The following SKP2 variants were observed in gnomAD, a reference collection of about 807,000 sequenced individuals.
SKP2 encodes the protein S-phase kinase-associated protein 2.
A neutral mutation model predicts 51.8 loss-of-function variants in SKP2; 16 were observed. That is an observed-to-expected ratio of 0.31 (90% CI 0.21 to 0.47). SKP2 has a LOEUF of 0.47. SKP2 is among the 20% of genes least tolerant of loss of function. SKP2 has a pLI of 1.00. For synonymous variants in SKP2, 176 were observed against 198.6 expected, an observed-to-expected ratio of 0.89 and a Z score of 0.96; for missense variants, 377 against 505.3, an observed-to-expected ratio of 0.75 and a Z score of 2.43.
At chr5:36,188,540 G>GA (rs1287221723), downstream of SKP2, among the ~76,000 whole-genome samples, 1 of 152,162 alleles carries the variant, frequency 6.6e-6, no homozygotes, top group Non-Finnish European at 1.5e-5. Context: ...TTTTCTTTAA[G>GA]AATGTTGAAT....
intron 2 of SKP2, among the ~76,000 whole-genome samples, chr5:36,157,077 C>T (rs369602857): frequency 4.1e-4 from 62 of 152,276 alleles, no homozygotes; most frequent in African/African-American, 1.4e-3. Context: ...GCTAGTCAAA[C>T]CCACTAAATT....
chr5:36,161,435 C>T (rs548337772), intron 2 of SKP2, among the ~76,000 whole-genome samples: 1 of 152,174 alleles, frequency 6.6e-6, no homozygotes, highest in East Asian at 1.9e-4. Flanking sequence ...CTGGGGCTTC[C>T]ATTTGATTTT....
intron 3 of SKP2, among the ~76,000 whole-genome samples, chr5:36,164,536 C>T (rs1745225918): frequency 6.6e-6 from 1 of 152,228 alleles, no homozygotes. Context: ...TGTTTAAAGG[C>T]CATCCGTCTG....
downstream of SKP2, among the ~76,000 whole-genome samples, chr5:36,186,858 G>A: frequency 6.6e-6 from 1 of 152,156 alleles, no homozygotes; most frequent in East Asian, 1.9e-4. Flanking sequence ...ATTTGGCTGT[G>A]AATCTATCTG....
At position 36,183,715 on chromosome 5, in the gene SKP2, A is replaced by G. The variant is rs1186308840; in HGVS notation, c.*1684A>G. ...AAATTGTTAATGTTAGAAACATACTATGAAGTGCCTTTATCTGCTTAGACC... is the reference window on the plus strand; with the variant it reads ...AAATTGTTAATGTTAGAAACATACTGTGAAGTGCCTTTATCTGCTTAGACC... On this transcript the variant is annotated 3_prime_UTR_variant, in exon 10 of 10. Coordinates refer to ENST00000274255, the MANE Select transcript of SKP2 (RefSeq NM_005983.4). The G allele has an allele frequency of 7.5e-7, 1 of 1,327,364 alleles. No individual in the cohort carries two copies. Among genetic ancestry groups the G allele is most frequent in the Non-Finnish European group, 9.7e-7 (1 of 1,032,320 alleles). 82.2% of individuals were successfully genotyped at this position (1,327,364 alleles called of 1,614,324 possible).
At chr5:36,191,122 T>C (rs1746014619) in intron 6 of SKP2, among the ~76,000 whole-genome samples, 1 of 152,212 alleles carries the variant, frequency 6.6e-6, no homozygotes, top group East Asian at 1.9e-4. Flanking sequence ...CCTGGAGTAA[T>C]AGGTTAATCT....
intron 2 of SKP2, among the ~76,000 whole-genome samples, chr5:36,156,382 T>C (rs1579548021): frequency 1.3e-5 from 2 of 152,200 alleles, no homozygotes; most frequent in East Asian, 3.9e-4. Context: ...CATAGATATC[T>C]GATGACTGGT....
At chr5:36,156,361 C>T (rs574404323) in intron 2 of SKP2, among the ~76,000 whole-genome samples, 54 of 152,222 alleles carry the variant, frequency 3.5e-4, no homozygotes, top group Non-Finnish European at 6.9e-4. Flanking sequence ...GAACAGGCCA[C>T]ACCTGCTGTA....
chr5:36,186,084 G>A (rs1745952896), downstream of SKP2, among the ~76,000 whole-genome samples: 1 of 152,150 alleles, frequency 6.6e-6, no homozygotes, highest in African/African-American at 2.4e-5. Context: ...GAATGCTCGT[G>A]ATTTTTGCAC....
downstream of SKP2, among the ~76,000 whole-genome samples, chr5:36,186,987 G>C (rs190807679): frequency 2.6e-5 from 4 of 152,060 alleles, no homozygotes; most frequent in East Asian, 1.9e-4. Context: ...TGTATGTGTC[G>C]AGGAATTTAT....
At chr5:36,190,761 T>A (rs764709453) in intron 6 of SKP2, among the ~76,000 whole-genome samples, 1 of 148,408 alleles carries the variant, frequency 6.7e-6, no homozygotes, top group African/African-American at 2.5e-5. Flanking sequence ...CTGGCCAATC[T>A]CACTGAATCC....
At chr5:36,152,526 C>T (rs2111933786) in intron 1 of SKP2, among the ~76,000 whole-genome samples, 1 of 152,304 alleles carries the variant, frequency 6.6e-6, no homozygotes, top group African/African-American at 2.4e-5. Flanking sequence ...CTCTCCTTGT[C>T]TGTTCCCTCC....
intron 7 of SKP2, among the ~76,000 whole-genome samples, chr5:36,173,567 C>T (rs1745540662): frequency 6.6e-6 from 1 of 152,096 alleles, no homozygotes; most frequent in African/African-American, 2.4e-5. Context: ...GCTCTGGGTG[C>T]AAGGTTGAGA....
intron 7 of SKP2, among the ~76,000 whole-genome samples, chr5:36,172,176 G>A (rs950560499): frequency 2.0e-5 from 3 of 152,304 alleles, no homozygotes; most frequent in East Asian, 1.9e-4. Flanking sequence ...TCTCATGGGC[G>A]GAAGCCAGGA....
chr5:36,164,570 A>G (rs1745227195), intron 3 of SKP2, among the ~76,000 whole-genome samples: 1 of 151,960 alleles, frequency 6.6e-6, no homozygotes, highest in Non-Finnish European at 1.5e-5. Flanking sequence ...CATACTTAGA[A>G]CTCCCTGTGT....
intron 7 of SKP2, among the ~76,000 whole-genome samples, chr5:36,176,220 C>T (rs1286413471): frequency 6.6e-6 from 1 of 151,566 alleles, no homozygotes; most frequent in Non-Finnish European, 1.5e-5. Context: ...TGTTCATTGC[C>T]TATTTTTGAT....
intron 9 of SKP2, chr5:36,180,072 C>T (rs1348964286): frequency 7.6e-6 from 3 of 394,192 alleles, no homozygotes; most frequent in Non-Finnish European, 1.5e-5. Flanking sequence ...CACCAAATCT[C>T]TTTCCCAATG....
chr5:36,165,434 A>G lies in SKP2; in HGVS notation c.393-1085A>G, dbSNP rs1030722642. ...CCAAAACTTCTCCCAGGTTGTTGTT[A>G]TTGAATGCTGGTTAAGCTATAGTTT... is the stretch of plus-strand genomic sequence containing the variant. On this transcript the variant is annotated intron_variant, in intron 3 of 9. Coordinates refer to ENST00000274255, the MANE Select transcript of SKP2 (RefSeq NM_005983.4). 3.9e-5 allele frequency among the ~76,000 whole-genome samples: 6 copies of G among 152,336 alleles called. No homozygotes were observed. In the South Asian group the frequency reaches 6.2e-4, roughly 16 times the overall value.
intron 2 of SKP2, 118 bp downstream of exon 2, chr5:36,153,160 A>G: frequency 1.0e-6 from 1 of 972,470 alleles, no homozygotes. Context: ...CTAATTCTGA[A>G]GCTATTTTTC....
Sources: allele counts gnomAD v4.1 joint callset (sites outside exome capture counted in the v4.1 genomes callset), GRCh38; gene constraint gnomAD v4.1.1; transcripts MANE v1.5; gene names NCBI Gene and HGNC (gene_info 2026-07-23, HGNC 2026-07-21).